The following SHROOM3 variants were observed in gnomAD, a reference collection of about 807,000 sequenced individuals.
SHROOM3 encodes the protein protein Shroom3.
SHROOM3 carries 47 observed loss-of-function variants against 138.6 expected under a neutral mutation model. That is an observed-to-expected ratio of 0.34 (90% confidence interval 0.27 to 0.43). The LOEUF (loss-of-function observed/expected upper bound fraction) is 0.43, where lower values mean the gene tolerates loss of function less well. Ranked by LOEUF, SHROOM3 falls within the 20% of genes least tolerant of loss-of-function variation. SHROOM3 has a pLI of 1.00. For synonymous variants in SHROOM3, 1,062 were observed against 1,063.3 expected (o/e 1.00, Z 0.02); for missense variants, 2,491 against 2,596.5 (o/e 0.96, Z 0.88).
intron 1 of SHROOM3, among the ~76,000 whole-genome samples, chr4:76,468,502 AC>A (rs1731293562): frequency 6.6e-6 from 1 of 151,980 alleles, no homozygotes. Context: ...TTCAGTAGTT[AC>A]CACTTAGCTA....
chr4:76,562,059 G>A (rs1421488036), intron 2 of SHROOM3, among the ~76,000 whole-genome samples: 2 of 152,078 alleles, frequency 1.3e-5, no homozygotes, highest in African/African-American at 2.4e-5. Context: ...AAACAAAGAA[G>A]CTTATGTTTG....
intron 1 of SHROOM3, among the ~76,000 whole-genome samples, chr4:76,524,433 C>T (rs1732636781): frequency 6.6e-6 from 1 of 152,042 alleles, no homozygotes; most frequent in African/African-American, 2.4e-5. Flanking sequence ...CTGGGGTGGA[C>T]AGGAGAAAGG....
chr4:76,637,539 C>T (rs1735533533), intron 2 of SHROOM3: 1 of 152,096 alleles, frequency 6.6e-6, no homozygotes, highest in Non-Finnish European at 1.5e-5. Context: ...TTCAGTGTTT[C>T]CTTTATAATT....
In SHROOM3 at chr4:76,476,853, G is replaced by A. The variant is rs1731494030; in HGVS notation, c.168+40633G>A. Among the ~76,000 whole-genome samples the A allele has an allele frequency of 2.6e-5, 4 of 152,320 alleles. No individual in the cohort carries two copies. The South Asian group carries it at 8.3e-4, about 32-fold the overall frequency. On this transcript the variant is annotated intron_variant, in intron 1 of 10. Transcript: ENST00000296043. Reference sequence around the variant, plus strand: ...GTGTGACTGCTAATGAGCTGGGATAGGCTTGGCTATGATTTCTCTAAGGCT... The same window carrying A: ...GTGTGACTGCTAATGAGCTGGGATAAGCTTGGCTATGATTTCTCTAAGGCT...
Position 76,754,390 on chromosome 4 carries a change from G to A in SHROOM3, c.3907G>A (p.Gly1303Ser). Residue 1303 changes from glycine to serine, a missense_variant, in exon 7 of 11, where the codon GGC (glycine) becomes AGC (serine). Physicochemically the swap from Gly to Ser is moderately conservative, Grantham distance 56. Transcript: ENST00000296043. ...HHLTPRWGGS[G>S]CKAIGDSSVP... is the part of the protein sequence containing the mutation. ...TCTCACCCCTCGTTGGGGTGGTTCA[G>A]GCTGCAAAGCCATTGGTGATTCCTC... 1 of 1,614,170 alleles carries A rather than the reference G, an allele frequency of 6.2e-7. No homozygotes were observed. Among genetic ancestry groups the A allele is most frequent in the Non-Finnish European group, 8.5e-7 (1 of 1,180,018 alleles).
intron 9 of SHROOM3, among the ~76,000 whole-genome samples, chr4:76,765,239 G>A (rs1254755866): frequency 1.3e-5 from 2 of 151,564 alleles, no homozygotes; most frequent in African/African-American, 2.4e-5. Context: ...GTAGATTCTG[G>A]GCACAGTGGC....
chr4:76,485,603 C>G (rs773007101), intron 1 of SHROOM3, among the ~76,000 whole-genome samples: 2 of 152,152 alleles, frequency 1.3e-5, no homozygotes, highest in Non-Finnish European at 2.9e-5. Context: ...CTCTGCATAT[C>G]AGACTATTAA....
At chr4:76,456,639 A>G (rs1442879549) in intron 1 of SHROOM3, among the ~76,000 whole-genome samples, 1 of 152,230 alleles carries the variant, frequency 6.6e-6, no homozygotes, top group Non-Finnish European at 1.5e-5. Flanking sequence ...AACTATGTCT[A>G]TCAACTATGG....
chr4:76,438,890 A>G (rs1730613406), intron 1 of SHROOM3, among the ~76,000 whole-genome samples: 1 of 152,204 alleles, frequency 6.6e-6, no homozygotes, highest in African/African-American at 2.4e-5. Context: ...TAGGCACTCA[A>G]TAACTTTTAC....
intron 2 of SHROOM3, among the ~76,000 whole-genome samples, chr4:76,633,994 A>T (rs1044355844): frequency 6.6e-6 from 1 of 152,162 alleles, no homozygotes; most frequent in Non-Finnish European, 1.5e-5. Flanking sequence ...TATCCTGGAG[A>T]ACCCTTCTTA....
intron 1 of SHROOM3, among the ~76,000 whole-genome samples, chr4:76,490,749 C>T (rs918055309): frequency 2.6e-5 from 4 of 152,178 alleles, no homozygotes; most frequent in African/African-American, 9.7e-5. Flanking sequence ...CACCTACTCT[C>T]CCTAATATGT....
At chr4:76,726,541 T>TAAAAAAAAAAAAAAA (rs61455146) in intron 3 of SHROOM3, among the ~76,000 whole-genome samples, 95 of 90,824 alleles carry the variant, frequency 1.0e-3, no homozygotes, top group African/African-American at 4.2e-3. Context: ...CCCCTCCATC[T>TAAAAAAAAAAAAAAA]AAAAAAAAAA....
chr4:76,596,055 T>A (rs1734376461), intron 2 of SHROOM3, among the ~76,000 whole-genome samples: 1 of 152,202 alleles, frequency 6.6e-6, no homozygotes, highest in South Asian at 2.1e-4. Context: ...GTCTTTTTTT[T>A]CACCTTGCTC....
Position 76,453,281 on chromosome 4 carries a change from C to T in SHROOM3, c.168+17061C>T, listed in dbSNP as rs191151891. Among the ~76,000 whole-genome samples, 856 of 138,446 alleles carry T rather than the reference C, an allele frequency of 6.2e-3. 1 individual carries two copies. Among genetic ancestry groups the T allele is most frequent in the Non-Finnish European group, 0.011 (691 of 64,068 alleles). The allele number at this position is 138,446 out of a possible 152,430, so 90.8% of individuals were successfully genotyped here. A position where few individuals can be genotyped will look rare whatever the true frequency, so the allele number is the denominator to read the frequency against. ...TCTTAATTTTTCTCTAATTAATTTT[C>T]TTCTTTTTTTTTTAAGAGACAGGGT... On this transcript the variant is annotated intron_variant, in intron 1 of 10. Coordinates refer to ENST00000296043, the MANE Select transcript of SHROOM3 (RefSeq NM_020859.4).
At position 76,435,880 on chromosome 4, in the gene SHROOM3, T is replaced by A. The variant is rs568312315; in HGVS notation, c.-173T>A. On this transcript the variant is annotated 5_prime_UTR_variant, in exon 1 of 11. Transcript: ENST00000296043. The stretch of plus-strand genomic sequence containing the variant: ...AGTGAAAATTCCTTCTGGTTCAGCA[T>A]CTTGGAGTTCAGCTTGGAAGAACAT... The A allele has an allele frequency of 1.7e-6, 1 of 595,926 alleles. No homozygotes were observed. Among genetic ancestry groups the A allele is most frequent in the South Asian group, 2.5e-5 (1 of 40,518 alleles). 36.9% of individuals were successfully genotyped at this position (595,926 alleles called of 1,614,324 possible).
rs560217664 is a variant in SHROOM3, at chr4:76,729,764, C to T, written c.456-1040C>T. 6.6e-5 allele frequency among the ~76,000 whole-genome samples: 10 copies of T among 152,286 alleles called. No homozygotes were observed. The South Asian group carries it at 1.7e-3, about 25-fold the overall frequency. On this transcript the variant is annotated intron_variant, in intron 3 of 10. Transcript: ENST00000296043. Reference sequence around the variant, plus strand: ...CTAGTATTTTTCTGATGTCCTAATACATTAAATTTTATTAGCTTCAGGGGA... The same window carrying T: ...CTAGTATTTTTCTGATGTCCTAATATATTAAATTTTATTAGCTTCAGGGGA...
intron 2 of SHROOM3, among the ~76,000 whole-genome samples, chr4:76,624,140 T>C (rs1364697587): frequency 2.0e-5 from 3 of 152,250 alleles, no homozygotes; most frequent in South Asian, 2.1e-4. Flanking sequence ...ATAATTAAAA[T>C]GATCATAAAA....
At chr4:76,523,303 T>C (rs1309904896) in intron 1 of SHROOM3, among the ~76,000 whole-genome samples, 1 of 152,206 alleles carries the variant, frequency 6.6e-6, no homozygotes, top group Non-Finnish European at 1.5e-5. Flanking sequence ...TGTGACCTCA[T>C]CTTAACTTGA....
At chr4:76,672,451 T>C (rs1338064807) in intron 2 of SHROOM3, among the ~76,000 whole-genome samples, 2 of 151,180 alleles carry the variant, frequency 1.3e-5, no homozygotes, top group East Asian at 3.9e-4. Flanking sequence ...ATACCGTTTC[T>C]CTCTGCTCAC....
Sources: gnomAD v4.1 joint callset for allele counts (sites outside exome capture counted in the v4.1 genomes callset) on GRCh38, gnomAD v4.1.1 for gene constraint, MANE v1.5 for transcripts, NCBI Gene and HGNC (gene_info 2026-07-23, HGNC 2026-07-21) for gene names.